Variants in LDB1 observed in about 807,000 individuals in gnomAD.
The protein encoded by LDB1 is LIM domain-binding protein 1.
A neutral mutation model predicts 49.7 loss-of-function variants in LDB1; 6 were observed. That is an observed-to-expected ratio of 0.12 (90% CI 0.07 to 0.24). The LOEUF is 0.24. Ranked by LOEUF, LDB1 falls within the 10% of genes least tolerant of loss-of-function variation. LDB1 has a pLI of 1.00. For synonymous variants in LDB1, 233 were observed against 202.0 expected, an observed-to-expected ratio of 1.15 and a Z score of -1.30; for missense variants, 341 against 561.7, an observed-to-expected ratio of 0.61 and a Z score of 3.97.
intron 1 of LDB1, among the ~76,000 whole-genome samples, chr10:102,113,077 T>C (rs2068278783): frequency 6.6e-6 from 1 of 152,202 alleles, no homozygotes; most frequent in Non-Finnish European, 1.5e-5. Flanking sequence ...TGGCTGTATC[T>C]AGATCTCCTC....
chr10:102,108,053 G>A lies in LDB1; in HGVS notation c.*40C>T, dbSNP rs779153664. The stretch of plus-strand genomic sequence containing the variant: ...TGCTCCCTGGGGCTGTGAGGGGTGG[G>A]GCAGGTAGGCAGAGCACTGGGTGGC... On this transcript the variant is annotated 3_prime_UTR_variant, in exon 11 of 11. Coordinates refer to ENST00000673968, the MANE Select transcript of LDB1 (RefSeq NM_001113407.3). The A allele has an allele frequency of 3.4e-6, 5 of 1,463,822 alleles. No homozygotes were observed. Among genetic ancestry groups the A allele is most frequent in the Non-Finnish European group, 4.8e-6 (5 of 1,046,212 alleles). The allele number at this position is 1,463,822 out of a possible 1,614,324, so 90.7% of individuals were successfully genotyped here.
rs1302198800 is a variant in LDB1, at chr10:102,109,253, T to C, written c.857-76A>G. The C allele has an allele frequency of 6.2e-6, 10 of 1,608,210 alleles. No individual in the cohort carries two copies. The highest frequency in any genetic ancestry group is 8.5e-6 in the Non-Finnish European group (10 of 1,177,256). On this transcript the variant is annotated intron_variant, in intron 9 of 10. Transcript: ENST00000673968. This position sits in a 1 kb window ranked among gnomAD's most constrained non-coding sequence, Gnocchi z 5.8. ...TCTCCATTGTGGCTCCCAAGGAGCA[T>C]GAGCCTGCCCTGATCCCAATTTTGT...
chr10:102,114,812 G>GGGCGC, intron 1 of LDB1: 9 of 929,806 alleles, frequency 9.7e-6, no homozygotes, highest in Middle Eastern at 5.5e-4. Context: ...CCTCCGAGCA[G>GGGCGC]CCCGCCCGCC....
In LDB1 at chr10:102,109,539, G is replaced by A; in HGVS notation, c.733-32C>T. 6.2e-7 allele frequency: 1 copy of A among 1,614,110 alleles called. No individual in the cohort carries two copies. The highest frequency in any genetic ancestry group is 1.1e-5 in the South Asian group (1 of 91,078). On this transcript the variant is annotated intron_variant, in intron 8 of 10. Coordinates refer to ENST00000673968, the MANE Select transcript of LDB1 (RefSeq NM_001113407.3). The surrounding 1 kb of genome is among the most constrained non-coding windows in gnomAD (Gnocchi z 5.8). ...GTAGACAAGGAGGTGGCTTGTCAGG[G>A]GACAGACATGGAGCCGAGACTAAAT... is the stretch of plus-strand genomic sequence containing the variant.
Position 102,109,254 on chromosome 10 carries a change from G to A in LDB1, c.857-77C>T, listed in dbSNP as rs1343394911. On this transcript the variant is annotated intron_variant, in intron 9 of 10. Transcript: ENST00000673968. This position sits in a 1 kb window ranked among gnomAD's most constrained non-coding sequence, Gnocchi z 5.8. ...CTCCATTGTGGCTCCCAAGGAGCAT[G>A]AGCCTGCCCTGATCCCAATTTTGTA... 8.7e-6 allele frequency: 14 copies of A among 1,604,886 alleles called. No homozygotes were observed. The highest frequency in any genetic ancestry group is 1.7e-5 in the Admixed American group (1 of 59,306).
downstream of LDB1, among the ~76,000 whole-genome samples, chr10:102,105,933 T>C (rs892232783): frequency 3.9e-5 from 6 of 151,966 alleles, no homozygotes; most frequent in East Asian, 1.2e-3. Flanking sequence ...CCTCAGATCA[T>C]GCCACTGCCC....
Position 102,107,971 on chromosome 10 carries a change from G to C in LDB1, c.*122C>G, listed in dbSNP as rs967343787. 2 of 821,582 alleles carry C rather than the reference G, an allele frequency of 2.4e-6. No individual in the cohort carries two copies. The highest frequency in any genetic ancestry group is 4.0e-5 in the Admixed American group (2 of 50,358). 50.9% of individuals were successfully genotyped at this position (821,582 alleles called of 1,614,324 possible). A position where few individuals can be genotyped will look rare whatever the true frequency, so the allele number is the denominator to read the frequency against. On this transcript the variant is annotated 3_prime_UTR_variant, in exon 11 of 11. Coordinates refer to ENST00000673968, the MANE Select transcript of LDB1 (RefSeq NM_001113407.3). ...CCCCCAGAGAGTCCAGTTCCTCCCT[G>C]AAGCGGGTGGATGGAGGCTGCCCAT...
At position 102,117,720 on chromosome 10, in the gene LDB1, T is replaced by C. The variant is rs910889412; in HGVS notation, c.25+2366A>G. ...CCTGCCTTAACCCTTCTGAGCCACA[T>C]GCTGCCCCAGACAGGCCCTGGCCCC... On this transcript the variant is annotated intron_variant, in intron 1 of 10. Coordinates refer to ENST00000673968, the MANE Select transcript of LDB1 (RefSeq NM_001113407.3). The surrounding 1 kb of genome is among the most constrained non-coding windows in gnomAD (Gnocchi z 4.2). Among the ~76,000 whole-genome samples the C allele has an allele frequency of 1.3e-5, 2 of 152,178 alleles. No homozygotes were observed. Among genetic ancestry groups the C allele is most frequent in the Non-Finnish European group, 2.9e-5 (2 of 68,028 alleles).
chr10:102,109,557 G>A lies in LDB1; in HGVS notation c.732+43C>T. The A allele has an allele frequency of 6.2e-7, 1 of 1,614,110 alleles. No homozygotes were observed. The highest frequency in any genetic ancestry group is 8.5e-7 in the Non-Finnish European group (1 of 1,179,990). On this transcript the variant is annotated intron_variant, in intron 8 of 10. Coordinates refer to ENST00000673968, the MANE Select transcript of LDB1 (RefSeq NM_001113407.3). The surrounding 1 kb of genome is among the most constrained non-coding windows in gnomAD (Gnocchi z 5.8). The stretch of plus-strand genomic sequence containing the variant: ...TGTCAGGGGACAGACATGGAGCCGA[G>A]ACTAAATGGACTGGGGCAGAAACTG...
chr10:102,114,699 CTTCT>C (rs1033286651), intron 1 of LDB1: 1 of 807,170 alleles, frequency 1.2e-6, no homozygotes, highest in African/African-American at 1.9e-5. Flanking sequence ...AGTCCGGAGC[CTTCT>C]TTGTTTGCAA....
chr10:102,111,116 C>T lies in LDB1; in HGVS notation c.202G>A (p.Asp68Asn). 6.2e-7 allele frequency: 1 copy of T among 1,614,128 alleles called. No homozygotes were observed. The highest frequency in any genetic ancestry group is 8.5e-7 in the Non-Finnish European group (1 of 1,180,022). The part of the protein sequence containing the change: ...GRHTPYGNQT[D>N]YRIFELNKRL... ...TTGTTAAGCTCAAATATTCTGTAGT[C>T]AGTTTGGTTGCCATATGGTGTGTGC... Residue 68 changes from aspartate to asparagine, a missense_variant, in exon 4 of 11, where the codon GAC (aspartate) becomes AAC (asparagine). Asp to Asn is a conservative substitution (Grantham distance 23). Around this residue, in one of 5 missense-constraint regions of LDB1, gnomAD observed 233 missense variants for 385.7 expected, o/e 0.60. Coordinates refer to ENST00000673968, the MANE Select transcript of LDB1 (RefSeq NM_001113407.3).
In LDB1 at chr10:102,107,146, C is replaced by G. The variant is rs1369493032; in HGVS notation, c.*947G>C. ...GGCTGCTCCCTTCTCTCCACGCTCC[C>G]TAAGGGAAGGAGCCTCCCCTCCCCG... On this transcript the variant is annotated 3_prime_UTR_variant, in exon 11 of 11. Coordinates refer to ENST00000673968, the MANE Select transcript of LDB1 (RefSeq NM_001113407.3). Among the ~76,000 whole-genome samples, 4 of 152,158 alleles carry G rather than the reference C, an allele frequency of 2.6e-5. No homozygotes were observed. Among genetic ancestry groups the G allele is most frequent in the African/African-American group, 9.7e-5 (4 of 41,420 alleles).
intron 3 of LDB1, 33 bp from the exon 4 acceptor site, chr10:102,111,177 G>A (rs758582866): frequency 2.4e-5 from 39 of 1,611,782 alleles, no homozygotes; most frequent in Non-Finnish European, 3.1e-5. Flanking sequence ...GTCAGTAGGA[G>A]CGGAGCCTGC....
At chr10:102,110,481 A>G (rs1349885881) in intron 6 of LDB1, 48 bp downstream of exon 6, 1 of 1,566,376 alleles carries the variant, frequency 6.4e-7, no homozygotes, top group South Asian at 1.2e-5. Context: ...AGAGGATGGG[A>G]ATCAAACCCA....
At position 102,120,276 on chromosome 10, in the gene LDB1, C is replaced by G; in HGVS notation, c.-166G>C. The G allele has an allele frequency of 1.0e-6, 1 of 983,840 alleles. No individual in the cohort carries two copies. Among genetic ancestry groups the G allele is most frequent in the South Asian group, 4.6e-5 (1 of 21,642 alleles). 60.9% of individuals were successfully genotyped at this position (983,840 alleles called of 1,614,324 possible). A position where few individuals can be genotyped will look rare whatever the true frequency, so the allele number is the denominator to read the frequency against. On this transcript the variant is annotated 5_prime_UTR_variant, in exon 1 of 11. Coordinates refer to ENST00000673968, the MANE Select transcript of LDB1 (RefSeq NM_001113407.3). Reference sequence around the variant, plus strand: ...GGCGGCCCCTGGCTGCGGCGAGGGGCCTGTCAGGCGCGGAGCAGACAGGAA... The same window carrying G: ...GGCGGCCCCTGGCTGCGGCGAGGGGGCTGTCAGGCGCGGAGCAGACAGGAA...
intron 1 of LDB1, among the ~76,000 whole-genome samples, chr10:102,114,063 T>C (rs2068295796): frequency 6.6e-6 from 1 of 152,154 alleles, no homozygotes; most frequent in African/African-American, 2.4e-5. Context: ...ACGGAGGAGA[T>C]GTGTCATCCA....
chr10:102,104,524 C>T (rs1004079492), downstream of LDB1, among the ~76,000 whole-genome samples: 3 of 152,096 alleles, frequency 2.0e-5, no homozygotes, highest in African/African-American at 7.2e-5. Flanking sequence ...TCTCTCTTCC[C>T]TCACCCCAGT....
At chr10:102,108,732 A>T (rs534107843) in intron 10 of LDB1, among the ~76,000 whole-genome samples, 5 of 152,124 alleles carry the variant, frequency 3.3e-5, no homozygotes, top group Admixed American at 2.0e-4. Context: ...TATCAGTGTG[A>T]GTGTGTGTGC....
At chr10:102,114,812 G>GGGCGCCCCCCCCCCCCCC in intron 1 of LDB1, 9 of 929,818 alleles carry the variant, frequency 9.7e-6, no homozygotes, top group East Asian at 1.2e-4. Flanking sequence ...CCTCCGAGCA[G>GGGCGCCCCCCCCCCCCCC]CCCGCCCGCC....
Sources: gnomAD v4.1 joint callset for allele counts (sites outside exome capture counted in the v4.1 genomes callset) on GRCh38, gnomAD v4.1.1 for gene constraint, gnomAD v4.1.1 regional missense constraint, Gnocchi (gnomAD v3.1) non-coding constraint, MANE v1.5 for transcripts, NCBI Gene and HGNC (gene_info 2026-07-23, HGNC 2026-07-21) for gene names.